The following FAM135A variants were observed in gnomAD, a reference collection of about 807,000 sequenced individuals.
FAM135A encodes the protein family with sequence similarity 135 member A.
In FAM135A, 79 loss-of-function variants were observed where a neutral mutation model predicts 146.8. The ratio of observed to expected loss-of-function variants is 0.54; its 90% CI spans 0.45 to 0.65. The LOEUF is 0.65. FAM135A is among the 30% of genes least tolerant of loss of function. The pLI, the probability that FAM135A is intolerant of heterozygous loss-of-function variation, is 0.00. For missense variants in FAM135A, 1,623 were observed against 1,758.2 expected, an observed-to-expected ratio of 0.92 and a Z score of 1.38; for synonymous variants, 562 against 603.6, an observed-to-expected ratio of 0.93 and a Z score of 1.01.
At chr6:70,428,585 T>C (rs1000751726) in intron 4 of FAM135A, among the ~76,000 whole-genome samples, 166 bp downstream of exon 4, 3 of 152,198 alleles carry the variant, frequency 2.0e-5, no homozygotes, top group African/African-American at 7.2e-5. Flanking sequence ...ATTTTGGGAT[T>C]ATTCACATGA....
chr6:70,490,882 A>G (rs534047344), intron 10 of FAM135A, 152 bp from the exon 11 acceptor site: 97 of 455,856 alleles, frequency 2.1e-4, no homozygotes, highest in Non-Finnish European at 3.2e-4. Context: ...TACCTATGTA[A>G]TTAATATGTT....
chr6:70,515,597 T>C (rs575321159), intron 12 of FAM135A, among the ~76,000 whole-genome samples: 30 of 152,090 alleles, frequency 2.0e-4, no homozygotes, highest in Admixed American at 9.2e-4. Context: ...TGTCAGGGGC[T>C]CTGGGGGACA....
At chr6:70,518,814 C>T (rs1400961797) in intron 12 of FAM135A, among the ~76,000 whole-genome samples, 1 of 152,206 alleles carries the variant, frequency 6.6e-6, no homozygotes, top group African/African-American at 2.4e-5. Context: ...AGATTCCTTT[C>T]AGAATATTAT....
At chr6:70,477,023 A>G in intron 7 of FAM135A, 136 bp from the exon 8 acceptor site, 3 of 845,972 alleles carry the variant, frequency 3.5e-6, no homozygotes, top group Non-Finnish European at 5.2e-6. Flanking sequence ...TGCAACTTTG[A>G]TGCTTTAAAA....
At chr6:70,437,331 T>C (rs2127889664) in intron 4 of FAM135A, among the ~76,000 whole-genome samples, 1 of 152,206 alleles carries the variant, frequency 6.6e-6, no homozygotes, top group Non-Finnish European at 1.5e-5. Flanking sequence ...TAAAGACCTT[T>C]TTTGGGGAAA....
Position 70,556,894 on chromosome 6 carries a change from T to C in FAM135A, c.4342+31T>C, listed in dbSNP as rs1289852289. The C allele has an allele frequency of 3.2e-6, 5 of 1,582,078 alleles. No individual in the cohort carries two copies. The African/African-American group carries it at 5.4e-5, about 17-fold the overall frequency. ...GGAATAAAATTATTTCAAAGAGTTA[T>C]AGGTATTAATGAGCTCTTTCCAAAA... On this transcript the variant is annotated intron_variant, in intron 21 of 21. Transcript: ENST00000418814.
intron 4 of FAM135A, among the ~76,000 whole-genome samples, chr6:70,439,875 TATTTCACCTGTTGTTCCC>T (rs1457920849): frequency 6.6e-6 from 1 of 152,222 alleles, no homozygotes; most frequent in Non-Finnish European, 1.5e-5. Context: ...TTTTTCTTCC[TATTTCACCTGTTGTTCCC>T]CCCAGCTGTT....
intron 12 of FAM135A, among the ~76,000 whole-genome samples, chr6:70,506,728 T>G (rs886103902): frequency 3.3e-5 from 5 of 151,452 alleles, no homozygotes; most frequent in Non-Finnish European, 7.4e-5. Flanking sequence ...TTTTTTTTAT[T>G]TTGTTTTTTC....
intron 10 of FAM135A, among the ~76,000 whole-genome samples, chr6:70,489,916 A>C (rs989140192): frequency 2.6e-5 from 4 of 152,130 alleles, no homozygotes; most frequent in African/African-American, 9.7e-5. Context: ...GGTATAACCA[A>C]TATAGCCGTT....
chr6:70,468,809 C>T (rs527434381), intron 5 of FAM135A, among the ~76,000 whole-genome samples: 7 of 152,238 alleles, frequency 4.6e-5, no homozygotes, highest in South Asian at 4.1e-4. Flanking sequence ...TGCCTATGCT[C>T]GTATATTCAT....
chr6:70,514,596 C>T (rs1791768881), intron 12 of FAM135A, among the ~76,000 whole-genome samples: 1 of 152,104 alleles, frequency 6.6e-6, no homozygotes, highest in Admixed American at 6.5e-5. Flanking sequence ...CTCCTGTCCC[C>T]AAAATTGGTG....
intron 12 of FAM135A, 87 bp downstream of exon 12, chr6:70,502,878 C>T: frequency 1.5e-6 from 2 of 1,301,960 alleles, no homozygotes; most frequent in Non-Finnish European, 2.1e-6. Flanking sequence ...CTGATTTTTA[C>T]CTATATATTG....
chr6:70,559,688 AT>A, intron 21 of FAM135A, 27 bp from the exon 22 acceptor site: 1 of 1,558,642 alleles, frequency 6.4e-7, no homozygotes, highest in South Asian at 1.2e-5. Flanking sequence ...TTGTGAACTA[AT>A]TTTCCTTTTT....
chr6:70,526,594 C>A lies in FAM135A; in HGVS notation c.3510C>A (p.Ser1170=). ...CTCCTTGTAATGTTAAATATTCTTCCAAAAGTAAATTTGATGCCATTACAA... is the reference window on the plus strand; with the variant it reads ...CTCCTTGTAATGTTAAATATTCTTCAAAAAGTAAATTTGATGCCATTACAA... ...RESPCNVKYS[S]KSKFDAITKQ... is the part of the protein sequence containing the mutation. The change falls in exon 15 of 22, where the codon TCC becomes TCA. Residue 1170 remains serine, a synonymous_variant. Transcript: ENST00000418814. 6.2e-7 allele frequency: 1 copy of A among 1,613,446 alleles called. No homozygotes were observed. Among genetic ancestry groups the A allele is most frequent in the Non-Finnish European group, 8.5e-7 (1 of 1,179,654 alleles).
At chr6:70,544,861 G>A (rs1292704970) in intron 20 of FAM135A, among the ~76,000 whole-genome samples, 1 of 152,014 alleles carries the variant, frequency 6.6e-6, no homozygotes, top group Non-Finnish European at 1.5e-5. Context: ...GACCAGCCTG[G>A]CCAACATGGT....
intron 4 of FAM135A, among the ~76,000 whole-genome samples, chr6:70,432,989 G>A (rs1229303293): frequency 6.6e-6 from 1 of 151,282 alleles, no homozygotes; most frequent in Non-Finnish European, 1.5e-5. Flanking sequence ...GTTTATAAAT[G>A]GTATAAGTAA....
intron 3 of FAM135A, 38 bp downstream of exon 3, chr6:70,426,570 A>AT (rs1303941907): frequency 2.6e-5 from 4 of 152,228 alleles, no homozygotes; most frequent in Non-Finnish European, 4.4e-5. Context: ...TTCTTAATAG[A>AT]TTCGAGTATT....
Position 70,525,272 on chromosome 6 carries a change from A to G in FAM135A, c.2188A>G (p.Thr730Ala). 6.2e-7 allele frequency: 1 copy of G among 1,600,028 alleles called. No homozygotes were observed. The highest frequency in any genetic ancestry group is 8.5e-7 in the Non-Finnish European group (1 of 1,174,726). The change falls in exon 15 of 22, where the codon ACT becomes GCT. Residue 730 changes from threonine to alanine, a missense_variant. Transcript: ENST00000418814. ...AKCLSIGESL[T>A]KLRSNLPAPS... Reference sequence around the variant, plus strand: ...GTGTCTTTCTATTGGAGAATCATTAACTAAATTACGAAGTAATCTACCTGC... The same window carrying G: ...GTGTCTTTCTATTGGAGAATCATTAGCTAAATTACGAAGTAATCTACCTGC...
intron 5 of FAM135A, among the ~76,000 whole-genome samples, chr6:70,458,306 C>CTATTTA (rs1394516205): frequency 1.3e-5 from 2 of 152,094 alleles, no homozygotes; most frequent in Non-Finnish European, 2.9e-5. Context: ...GCAAATTTTA[C>CTATTTA]CTGTCATGTC....
Sources: allele counts gnomAD v4.1 joint callset (sites outside exome capture counted in the v4.1 genomes callset), GRCh38; gene constraint gnomAD v4.1.1; transcripts MANE v1.5; gene names NCBI Gene and HGNC (gene_info 2026-07-23, HGNC 2026-07-21).